The following ITPR2 variants were observed in gnomAD, a reference collection of about 807,000 sequenced individuals.
ITPR2 encodes the protein inositol 1,4,5-trisphosphate-gated calcium channel ITPR2.
ITPR2 carries 207 observed loss-of-function variants against 317.1 expected under a neutral mutation model. The ratio of observed to expected loss-of-function variants is 0.65; its 90% confidence interval spans 0.58 to 0.73. The LOEUF (loss-of-function observed/expected upper bound fraction) is 0.73, where lower values mean the gene tolerates loss of function less well. ITPR2 is among the 30% of genes least tolerant of loss of function. The probability of loss-of-function intolerance (pLI) is 0.00; values close to 1 mark genes in which losing one functional copy is unlikely to be tolerated. For missense variants in ITPR2, 2,613 were observed against 3,284.0 expected (o/e 0.80, Z 4.99); for synonymous variants, 1,156 against 1,149.1 (o/e 1.01, Z -0.12).
intron 39 of ITPR2, among the ~76,000 whole-genome samples, chr12:26,491,981 C>T (rs1218078717): frequency 1.3e-5 from 2 of 152,010 alleles, no homozygotes; most frequent in East Asian, 1.9e-4. Context: ...ACACAGTAAA[C>T]GTTAAAGGTG....
chr12:26,600,636 ACT>A (rs906288059), intron 28 of ITPR2, among the ~76,000 whole-genome samples: 6 of 148,578 alleles, frequency 4.0e-5, no homozygotes, highest in South Asian at 4.3e-4. Flanking sequence ...ACTCTATTTC[ACT>A]CTCTTTCTCA....
intron 35 of ITPR2, among the ~76,000 whole-genome samples, chr12:26,560,551 C>A (rs1343688974): frequency 1.3e-5 from 2 of 152,142 alleles, no homozygotes; most frequent in African/African-American, 4.8e-5. Flanking sequence ...TCTACTTCCA[C>A]CTAAGAGCCC....
In ITPR2 at chr12:26,602,674, T is replaced by C. The variant is rs1946029402; in HGVS notation, c.3495A>G (p.Gly1165=). The change falls in exon 27 of 57, where the codon GGA becomes GGG. Residue 1165 remains glycine (G), a synonymous_variant. Coordinates refer to ENST00000381340, the MANE Select transcript of ITPR2 (RefSeq NM_002223.4). The stretch of plus-strand genomic sequence containing the variant: ...TGCTGTCAATCTGAGGTTTCTTTGT[T>C]CCATCCTGCACTGGACTTAAAATGT... ...ESNILSPVQD[G]TKKPQIDSNK... is the part of the protein sequence containing the mutation. 3 of 1,611,502 alleles carry C rather than the reference T, an allele frequency of 1.9e-6. No homozygotes were observed. Among genetic ancestry groups the C allele is most frequent in the Non-Finnish European group, 2.5e-6 (3 of 1,178,220 alleles).
At chr12:26,787,869 T>C (rs1402322612) in intron 2 of ITPR2, among the ~76,000 whole-genome samples, 1 of 150,790 alleles carries the variant, frequency 6.6e-6, no homozygotes, top group Admixed American at 6.6e-5. Context: ...AAGGGTTGAG[T>C]CAAATATGTT....
intron 9 of ITPR2, among the ~76,000 whole-genome samples, chr12:26,697,817 T>A (rs532459065): frequency 4.6e-5 from 7 of 150,682 alleles, no homozygotes; most frequent in Non-Finnish European, 1.0e-4. Context: ...AATAATAATA[T>A]ATAAATACTA....
At chr12:26,499,322 A>T (rs1943020399) in intron 37 of ITPR2, among the ~76,000 whole-genome samples, 1 of 152,168 alleles carries the variant, frequency 6.6e-6, no homozygotes, top group African/African-American at 2.4e-5. Context: ...AGAAGCATCT[A>T]TTTCCTCACC....
Position 26,804,607 on chromosome 12 carries a change from G to A in ITPR2, c.93-14380C>T, listed in dbSNP as rs573706058. 3.9e-5 allele frequency among the ~76,000 whole-genome samples: 6 copies of A among 152,098 alleles called. No homozygotes were observed. The South Asian group carries it at 6.2e-4, about 16-fold the overall frequency. On this transcript the variant is annotated intron_variant, in intron 1 of 56. Transcript: ENST00000381340. Reference sequence around the variant, plus strand: ...TGCATTAAATTAAATCATTTCCCTCGCTTATAGGCTGGATATTTTTTCCAA... The same window carrying A: ...TGCATTAAATTAAATCATTTCCCTCACTTATAGGCTGGATATTTTTTCCAA...
rs1948855586 is a variant in ITPR2, at chr12:26,722,550, C to T, written c.372G>A (p.Leu124=). 1 of 1,609,364 alleles carries T rather than the reference C, an allele frequency of 6.2e-7. No individual in the cohort carries two copies. ...IVKYSNVIQL[L]HIKSNKYLTV... ...TAAGATATTTGTTGCTTTTTATATG[C>T]AGTAGCTATAGGGAAAAGACATAGA... Residue 124 remains leucine (L), a synonymous_variant, in exon 5 of 57, where the codon CTG becomes CTA. Coordinates refer to ENST00000381340, the MANE Select transcript of ITPR2 (RefSeq NM_002223.4).
Position 26,387,425 on chromosome 12 carries a change from G to A in ITPR2, c.7857+9C>T. On this transcript the variant is annotated intron_variant, in intron 55 of 56. Transcript: ENST00000381340. Reference sequence around the variant, plus strand: ...TATAGTCACAAATTAAAACCTTCTGGTCACTCACCACAATCATTTGAGCCA... The same window carrying A: ...TATAGTCACAAATTAAAACCTTCTGATCACTCACCACAATCATTTGAGCCA... 1 of 1,612,574 alleles carries A rather than the reference G, an allele frequency of 6.2e-7. No homozygotes were observed. Among genetic ancestry groups the A allele is most frequent in the Non-Finnish European group, 8.5e-7 (1 of 1,179,136 alleles).
chr12:26,702,992 G>C (rs1375287829), intron 9 of ITPR2, among the ~76,000 whole-genome samples: 2 of 152,190 alleles, frequency 1.3e-5, no homozygotes, highest in African/African-American at 4.8e-5. Context: ...CAAATGGTCT[G>C]ATTTCCTTTG....
At chr12:26,731,834 G>A (rs550547354) in intron 2 of ITPR2, among the ~76,000 whole-genome samples, 3 of 152,238 alleles carry the variant, frequency 2.0e-5, no homozygotes, top group Non-Finnish European at 2.9e-5. Context: ...AAATATAATA[G>A]AATTCAGAGT....
In ITPR2 at chr12:26,637,621, A is replaced by C. The variant is rs141628077; in HGVS notation, c.2741-5562T>G. On this transcript the variant is annotated intron_variant, in intron 21 of 56. Transcript: ENST00000381340. ...GCCATGAACAATAAAAAAGTACCAT[A>C]TAATTGTAAGGTATTATTTCAAAAA... is the stretch of plus-strand genomic sequence containing the variant. Among the ~76,000 whole-genome samples, 450 of 152,304 alleles carry C rather than the reference A, an allele frequency of 3.0e-3. 3 individuals carry two copies. Among genetic ancestry groups the C allele is most frequent in the African/African-American group, 0.01 (428 of 41,570 alleles).
At chr12:26,439,031 A>G in intron 47 of ITPR2, 96 bp downstream of exon 47, 2 of 787,940 alleles carry the variant, frequency 2.5e-6, no homozygotes, top group East Asian at 5.2e-5. Context: ...GCAAGAAATT[A>G]AAAAAACAAT....
chr12:26,564,465 G>GC (rs932939545), intron 34 of ITPR2, among the ~76,000 whole-genome samples: 3 of 152,200 alleles, frequency 2.0e-5, no homozygotes, highest in African/African-American at 7.2e-5. Flanking sequence ...GGGTTGAACT[G>GC]CATCCCCAAA....
chr12:26,756,331 T>C (rs1357950405), intron 2 of ITPR2, among the ~76,000 whole-genome samples: 1 of 152,040 alleles, frequency 6.6e-6, no homozygotes, highest in Non-Finnish European at 1.5e-5. Flanking sequence ...ACAAAATGGA[T>C]GGGTAATGTA....
intron 11 of ITPR2, among the ~76,000 whole-genome samples, chr12:26,685,084 G>T (rs1592036147): frequency 6.6e-6 from 1 of 152,086 alleles, no homozygotes; most frequent in Non-Finnish European, 1.5e-5. Flanking sequence ...ACCCTCCCTG[G>T]AGGAAACCCA....
intron 20 of ITPR2, among the ~76,000 whole-genome samples, 179 bp downstream of exon 20, chr12:26,655,529 G>A (rs927216654): frequency 6.6e-6 from 1 of 151,550 alleles, no homozygotes. Flanking sequence ...CAGGAGAATG[G>A]CGTGAACCCG....
intron 15 of ITPR2, among the ~76,000 whole-genome samples, chr12:26,663,245 C>A (rs1947542195): frequency 6.6e-6 from 1 of 152,234 alleles, no homozygotes; most frequent in African/African-American, 2.4e-5. Context: ...ACTGGGCTCT[C>A]CCTCTGGTGA....
At chr12:26,493,116 A>C (rs1245651695) in intron 39 of ITPR2, among the ~76,000 whole-genome samples, 1 of 152,172 alleles carries the variant, frequency 6.6e-6, no homozygotes, top group Non-Finnish European at 1.5e-5. Context: ...GAGGAAATCT[A>C]TGCTGCAGCT....
Sources: allele counts gnomAD v4.1 joint callset (sites outside exome capture counted in the v4.1 genomes callset), GRCh38; gene constraint gnomAD v4.1.1; transcripts MANE v1.5; gene names NCBI Gene and HGNC (gene_info 2026-07-23, HGNC 2026-07-21).